Variants in SEMA3A observed in about 807,000 individuals in gnomAD.
The protein encoded by SEMA3A is semaphorin-3A.
A neutral mutation model predicts 97.9 loss-of-function variants in SEMA3A; 29 were observed. The ratio of observed to expected loss-of-function variants is 0.30; its 90% CI spans 0.22 to 0.40. The LOEUF (loss-of-function observed/expected upper bound fraction) is 0.40. SEMA3A is among the 10% of genes least tolerant of loss of function. The pLI is 1.00. For synonymous variants in SEMA3A, 321 were observed against 323.7 expected (o/e 0.99, Z 0.09); for missense variants, 763 against 951.3 (o/e 0.80, Z 2.60).
chr7:84,055,081 G>A (rs1036098190), intron 5 of SEMA3A, among the ~76,000 whole-genome samples: 8 of 151,766 alleles, frequency 5.3e-5, no homozygotes, highest in East Asian at 3.9e-4. Flanking sequence ...CCAGCTGCGT[G>A]CTGGGAGAAC....
intron 1 of SEMA3A, among the ~76,000 whole-genome samples, chr7:84,376,603 CAAAAAAAAAAAAAAA>C (rs60380985): frequency 2.7e-5 from 1 of 36,434 alleles, no homozygotes; most frequent in Admixed American, 4.7e-4. Flanking sequence ...GACTCCGTCT[CAAAAAAAAAAAAAAA>C]AAAAAAAAAA....
intron 1 of SEMA3A, among the ~76,000 whole-genome samples, chr7:84,140,256 G>T (rs999498502): frequency 6.6e-6 from 1 of 152,080 alleles, no homozygotes; most frequent in Admixed American, 6.6e-5. Flanking sequence ...GATTTACAAA[G>T]ATGGTTACAT....
chr7:84,402,712 C>T (rs527904911), intron 1 of SEMA3A, among the ~76,000 whole-genome samples: 9 of 152,202 alleles, frequency 5.9e-5, no homozygotes, highest in African/African-American at 1.9e-4. Context: ...GGTGTATATA[C>T]ATGATGGAAT....
chr7:84,235,260 A>G (rs1799208924), intron 3 of SEMA3A, among the ~76,000 whole-genome samples: 1 of 152,026 alleles, frequency 6.6e-6, no homozygotes, highest in Non-Finnish European at 1.5e-5. Context: ...AATAATGACA[A>G]GATATTTTTC....
intron 4 of SEMA3A, among the ~76,000 whole-genome samples, chr7:84,072,423 A>T (rs947584960): frequency 6.6e-6 from 1 of 152,008 alleles, no homozygotes; most frequent in Non-Finnish European, 1.5e-5. Flanking sequence ...TTTTTGCTCA[A>T]TAGGAATTAC....
At chr7:84,321,083 C>T (rs927874164) in intron 2 of SEMA3A, among the ~76,000 whole-genome samples, 2 of 152,076 alleles carry the variant, frequency 1.3e-5, no homozygotes, top group Non-Finnish European at 2.9e-5. Flanking sequence ...TGATTACAAT[C>T]ACAGTTTTCG....
rs1047669913 is a variant in SEMA3A at position 84,301,414 on chromosome 7, A to C, written c.-83+5793T>G. 3.3e-5 allele frequency among the ~76,000 whole-genome samples: 5 copies of C among 152,274 alleles called. No homozygotes were observed. In the South Asian group the frequency reaches 1.0e-3, roughly 32 times the overall value. ...TAATAAGGCCAGAAAGCCAATGAAA[A>C]AGATAAGTAAAAGTTTTGAATAGGT... is the stretch of plus-strand genomic sequence containing the variant. On this transcript the variant is annotated intron_variant, in intron 3 of 3. Coordinates refer to the SEMA3A transcript ENST00000424555.
At chr7:84,081,755 C>T (rs923980768) in intron 4 of SEMA3A, among the ~76,000 whole-genome samples, 2 of 151,952 alleles carry the variant, frequency 1.3e-5, no homozygotes, top group African/African-American at 4.8e-5. Flanking sequence ...CTACTTATTA[C>T]ATCCATATAT....
At chr7:84,445,922 C>A (rs1024998935) in intron 1 of SEMA3A, among the ~76,000 whole-genome samples, 1 of 151,744 alleles carries the variant, frequency 6.6e-6, no homozygotes, top group African/African-American at 2.4e-5. Context: ...AAAGTTTACC[C>A]TCTTAAAATA....
At chr7:84,433,969 T>G (rs1430146934) in intron 1 of SEMA3A, among the ~76,000 whole-genome samples, 2 of 152,146 alleles carry the variant, frequency 1.3e-5, no homozygotes, top group East Asian at 3.9e-4. Context: ...ATTCTGGATA[T>G]TAGCCCTTTG....
chr7:84,463,819 C>T (rs1805924949), intron 1 of SEMA3A, among the ~76,000 whole-genome samples: 1 of 152,070 alleles, frequency 6.6e-6, no homozygotes, highest in Non-Finnish European at 1.5e-5. Flanking sequence ...CCTTCCTTTT[C>T]CCATAAAACA....
chr7:84,328,049 T>C (rs955813827), intron 2 of SEMA3A, among the ~76,000 whole-genome samples: 1 of 152,072 alleles, frequency 6.6e-6, no homozygotes, highest in African/African-American at 2.4e-5. Context: ...ATTAAATCTT[T>C]ATAAGTGCTT....
In SEMA3A at chr7:84,422,811, GA is replaced by G. The variant is rs1408228846; in HGVS notation, c.-245-50912del. On this transcript the variant is annotated intron_variant, in intron 1 of 3. Coordinates refer to the SEMA3A transcript ENST00000424555. ...CAGGAGCAGGTTGTTCAGTTTCCAT[GA>G]ATTGGTATCAGTAAAAAGTAGGAAG... 3.3e-5 allele frequency among the ~76,000 whole-genome samples: 5 copies of G among 152,006 alleles called. No individual in the cohort carries two copies. In the South Asian group the frequency reaches 6.2e-4, roughly 19 times the overall value.
intron 3 of SEMA3A, among the ~76,000 whole-genome samples, chr7:84,216,118 G>T (rs1323940916): frequency 6.6e-6 from 1 of 152,020 alleles, no homozygotes; most frequent in African/African-American, 2.4e-5. Context: ...AGCCAGGTTG[G>T]AGTGCAGTGG....
At chr7:84,364,222 GA>G (rs1157927035) in intron 2 of SEMA3A, among the ~76,000 whole-genome samples, 2 of 151,522 alleles carry the variant, frequency 1.3e-5, no homozygotes, top group African/African-American at 4.8e-5. Flanking sequence ...GATTTTTTAA[GA>G]ATGTAACTAG....
intron 1 of SEMA3A, among the ~76,000 whole-genome samples, chr7:84,396,077 G>A (rs1803723697): frequency 6.6e-6 from 1 of 151,902 alleles, no homozygotes; most frequent in South Asian, 2.1e-4. Flanking sequence ...CTGGTTATAA[G>A]ACATAGAAAG....
intron 3 of SEMA3A, among the ~76,000 whole-genome samples, chr7:84,226,697 C>T (rs1288036717): frequency 6.6e-6 from 1 of 152,032 alleles, no homozygotes; most frequent in Non-Finnish European, 1.5e-5. Flanking sequence ...TCTGTATTTT[C>T]TATTCACATA....
chr7:84,061,726 T>G (rs191692188), intron 4 of SEMA3A, among the ~76,000 whole-genome samples: 158 of 152,274 alleles, frequency 1.0e-3, no homozygotes, highest in Admixed American at 4.6e-3. Context: ...TAAAACTCAT[T>G]TGAATTAGGG....
chr7:84,431,526 A>G (rs1338641107), intron 1 of SEMA3A, among the ~76,000 whole-genome samples: 1 of 151,996 alleles, frequency 6.6e-6, no homozygotes, highest in Non-Finnish European at 1.5e-5. Flanking sequence ...TTTGAATTGC[A>G]CTCAATGACT....
Sources: allele counts gnomAD v4.1 joint callset (sites outside exome capture counted in the v4.1 genomes callset), GRCh38; gene constraint gnomAD v4.1.1; transcripts MANE v1.5; gene names NCBI Gene and HGNC (gene_info 2026-07-23, HGNC 2026-07-21).